The following SEC24D variants were observed in gnomAD, a reference collection of about 807,000 sequenced individuals.
The protein encoded by SEC24D is protein transport protein Sec24D.
SEC24D carries 69 observed loss-of-function variants against 116.9 expected under a neutral mutation model. The observed-to-expected ratio is 0.59, with a 90% CI of 0.49 to 0.72. The LOEUF is 0.72. SEC24D is among the 30% of genes least tolerant of loss of function. The probability of loss-of-function intolerance (pLI) is 0.00; values close to 1 mark genes in which losing one functional copy is unlikely to be tolerated. For synonymous variants in SEC24D, 405 were observed against 442.8 expected (o/e 0.91, Z 1.07); for missense variants, 1,131 against 1,264.1 (o/e 0.89, Z 1.60).
At chr4:118,831,042 G>C (rs1297630101) in intron 2 of SEC24D, among the ~76,000 whole-genome samples, 3 of 152,122 alleles carry the variant, frequency 2.0e-5, no homozygotes, top group Non-Finnish European at 4.4e-5. Flanking sequence ...TTGTTTGTTT[G>C]AGAGAGTCTC....
rs1417201844 is a variant in SEC24D, at chr4:118,788,922, A to G, written c.1041+8761T>C. On this transcript the variant is annotated intron_variant, in intron 8 of 22. Transcript: ENST00000280551. ...CTGAGAAGAGTGCATTTATTCAACT[A>G]AGACCTCTATGCCCAGCCCACTGCT... is the stretch of plus-strand genomic sequence containing the variant. Among the ~76,000 whole-genome samples the G allele has an allele frequency of 3.3e-5, 5 of 152,322 alleles. No individual in the cohort carries two copies. In the East Asian group the frequency reaches 5.8e-4, roughly 18 times the overall value.
intron 10 of SEC24D, chr4:118,760,386 C>T (rs1206642562): frequency 6.6e-6 from 1 of 152,168 alleles, no homozygotes; most frequent in South Asian, 2.1e-4. Flanking sequence ...GACTATTCTA[C>T]ATACCTCATA....
chr4:118,793,239 G>A (rs973489101), intron 8 of SEC24D, among the ~76,000 whole-genome samples: 3 of 151,998 alleles, frequency 2.0e-5, no homozygotes, highest in African/African-American at 2.4e-5. Context: ...AGGCCGAGGC[G>A]GGCGGATCAC....
chr4:118,752,977 A>G, intron 11 of SEC24D, 89 bp from the exon 12 acceptor site: 4 of 884,506 alleles, frequency 4.5e-6, no homozygotes, highest in Non-Finnish European at 6.7e-6. Flanking sequence ...TGTGTCTTCT[A>G]TAAAATACAT....
chr4:118,834,587 TA>T (rs199691379), intron 1 of SEC24D, among the ~76,000 whole-genome samples: 9,094 of 149,494 alleles, frequency 0.061, 306 homozygotes, highest in African/African-American at 0.075. Context: ...ACTGATGATT[TA>T]AAAAAAAAAA....
intron 15 of SEC24D, 132 bp downstream of exon 15, chr4:118,743,856 T>C (rs1578390433): frequency 1.2e-6 from 1 of 801,340 alleles, no homozygotes; most frequent in East Asian, 2.8e-5. Flanking sequence ...CGGTATACTT[T>C]GTTTTCCATC....
chr4:118,740,933 A>T lies in SEC24D; in HGVS notation c.2092+8T>A. On this transcript the variant is annotated splice_region_variant and intron_variant, in intron 16 of 22. Transcript: ENST00000280551. Reference sequence around the variant, plus strand: ...AGAGACCCGAAGAATTGTATAAATGATAATTACCTGTGCTGGTACGAACCC... The same window carrying T: ...AGAGACCCGAAGAATTGTATAAATGTTAATTACCTGTGCTGGTACGAACCC... The T allele has an allele frequency of 4.4e-6, 7 of 1,593,812 alleles. No homozygotes were observed. The highest frequency in any genetic ancestry group is 6.0e-6 in the Non-Finnish European group (7 of 1,166,380).
chr4:118,813,642 C>G (rs895657998), intron 6 of SEC24D, among the ~76,000 whole-genome samples: 3 of 152,226 alleles, frequency 2.0e-5, no homozygotes, highest in Admixed American at 2.0e-4. Flanking sequence ...AGAGCCCTTA[C>G]GACCCAATCA....
chr4:118,742,771 A>G (rs186261212), intron 15 of SEC24D, among the ~76,000 whole-genome samples: 1 of 152,314 alleles, frequency 6.6e-6, no homozygotes, highest in East Asian at 1.9e-4. Context: ...GCCCAGGCAC[A>G]CACATTAGAG....
intron 17 of SEC24D, among the ~76,000 whole-genome samples, chr4:118,740,315 A>C (rs902046206): frequency 2.0e-5 from 3 of 152,196 alleles, no homozygotes; most frequent in African/African-American, 7.2e-5. Flanking sequence ...TGTTTGTTAT[A>C]GCAGCCCTAG....
intron 3 of SEC24D, among the ~76,000 whole-genome samples, chr4:118,821,026 A>C (rs966406376): frequency 2.6e-5 from 4 of 152,188 alleles, no homozygotes; most frequent in African/African-American, 9.7e-5. Context: ...TTGCTCAAGA[A>C]ATGAGATGTA....
At chr4:118,826,045 G>C (rs1404244653) in intron 2 of SEC24D, among the ~76,000 whole-genome samples, 1 of 151,622 alleles carries the variant, frequency 6.6e-6, no homozygotes, top group Non-Finnish European at 1.5e-5. Context: ...CGGTCTTCAT[G>C]AATAATATTG....
chr4:118,775,272 A>T (rs962820604), intron 8 of SEC24D, among the ~76,000 whole-genome samples: 3 of 151,876 alleles, frequency 2.0e-5, no homozygotes, highest in Non-Finnish European at 2.9e-5. Flanking sequence ...TTTCTGAATG[A>T]AAAAACACAA....
intron 17 of SEC24D, 127 bp from the exon 18 acceptor site, chr4:118,739,414 A>C (rs1177975571): frequency 2.5e-6 from 2 of 809,446 alleles, no homozygotes; most frequent in Non-Finnish European, 3.7e-6. Flanking sequence ...ATTTTTCCAC[A>C]GTTTTTTTTC....
At chr4:118,745,540 A>G (rs1387276433) in intron 13 of SEC24D, among the ~76,000 whole-genome samples, 1 of 152,190 alleles carries the variant, frequency 6.6e-6, no homozygotes, top group African/African-American at 2.4e-5. Flanking sequence ...ATAAGAACGT[A>G]GTGGTGGTGT....
intron 8 of SEC24D, among the ~76,000 whole-genome samples, chr4:118,788,032 T>A (rs950953329): frequency 3.9e-5 from 6 of 152,150 alleles, no homozygotes; most frequent in Non-Finnish European, 8.8e-5. Context: ...TTGCCCAGGC[T>A]GGTCTCAATC....
intron 19 of SEC24D, 45 bp downstream of exon 19, chr4:118,738,216 A>T (rs761514920): frequency 8.1e-7 from 1 of 1,234,166 alleles, no homozygotes; most frequent in East Asian, 2.3e-5. Flanking sequence ...AGAAATGAGT[A>T]GTCGTTTGTA....
At chr4:118,799,101 C>A (rs1305482435) in intron 7 of SEC24D, among the ~76,000 whole-genome samples, 1 of 152,158 alleles carries the variant, frequency 6.6e-6, no homozygotes, top group African/African-American at 2.4e-5. Flanking sequence ...ACCAGGGAGA[C>A]CATGTGGAGG....
chr4:118,799,626 G>A (rs1729334022), intron 7 of SEC24D, among the ~76,000 whole-genome samples: 1 of 149,990 alleles, frequency 6.7e-6, no homozygotes, highest in Admixed American at 6.6e-5. Context: ...GAGGTCAGAG[G>A]AGGAGGAGAA....
Sources: gnomAD v4.1 joint callset for allele counts (sites outside exome capture counted in the v4.1 genomes callset) on GRCh38, gnomAD v4.1.1 for gene constraint, MANE v1.5 for transcripts, NCBI Gene and HGNC (gene_info 2026-07-23, HGNC 2026-07-21) for gene names.